Variants in ZNF679 observed in about 807,000 individuals in gnomAD.
ZNF679 encodes zinc finger protein 679, also known as hypothetical protein MGC42415.
In ZNF679, 10 loss-of-function variants were observed where a neutral mutation model predicts 13.4. The observed-to-expected ratio is 0.75, with a 90% confidence interval of 0.46 to 1.27. The LOEUF (loss-of-function observed/expected upper bound fraction) is 1.27. Among genes scored for constraint, ZNF679 ranks in the 50% most tolerant of loss-of-function variants. The pLI, the probability that ZNF679 is intolerant of heterozygous loss-of-function variation, is 0.00. For missense variants in ZNF679, 525 were observed against 477.8 expected (o/e 1.10, Z -0.92); for synonymous variants, 179 against 162.5 (o/e 1.10, Z -0.77).
intron 1 of ZNF679, among the ~76,000 whole-genome samples, chr7:64,229,800 A>T (rs1787611524): frequency 6.6e-6 from 1 of 152,108 alleles, no homozygotes; most frequent in South Asian, 2.1e-4. Flanking sequence ...ATATGTAACA[A>T]TTTCACTTCA....
intron 1 of ZNF679, among the ~76,000 whole-genome samples, chr7:64,244,184 A>T (rs1167406718): frequency 1.3e-5 from 2 of 152,134 alleles, no homozygotes; most frequent in Non-Finnish European, 2.9e-5. Flanking sequence ...CGGTAGGTGG[A>T]GGTTGCAGTG....
At chr7:64,243,956 T>A (rs1396492721) in intron 1 of ZNF679, among the ~76,000 whole-genome samples, 1 of 152,044 alleles carries the variant, frequency 6.6e-6, no homozygotes, top group African/African-American at 2.4e-5. Context: ...TGCAATTAAT[T>A]AAGTTGACTT....
intron 1 of ZNF679, among the ~76,000 whole-genome samples, chr7:64,230,089 CA>C (rs550393594): frequency 1.8e-4 from 28 of 152,174 alleles, no homozygotes; most frequent in Non-Finnish European, 3.7e-4. Flanking sequence ...TTACTGGAAG[CA>C]GGACCCAGGC....
intron 1 of ZNF679, among the ~76,000 whole-genome samples, chr7:64,232,892 C>T (rs1013772408): frequency 6.6e-6 from 1 of 152,144 alleles, no homozygotes; most frequent in Non-Finnish European, 1.5e-5. Flanking sequence ...AGTCACATTC[C>T]TAAATGTTTA....
At chr7:64,229,952 G>A (rs1305587818) in intron 1 of ZNF679, among the ~76,000 whole-genome samples, 8 of 152,294 alleles carry the variant, frequency 5.3e-5, no homozygotes, top group East Asian at 1.9e-4. Flanking sequence ...CACATGCTGC[G>A]AACATAAGAG....
Position 64,260,323 on chromosome 7 carries a change from A to G in ZNF679, c.142A>G (p.Asn48Asp). The G allele has an allele frequency of 6.2e-7, 1 of 1,610,808 alleles. No individual in the cohort carries two copies. Among genetic ancestry groups the G allele is most frequent in the Non-Finnish European group, 8.5e-7 (1 of 1,179,080 alleles). The part of the protein sequence containing the change: ...QNLYRDVMLE[N>D]YRNLVSLGIA... ...TTTATATAGAGATGTGATGTTAGAGAACTACAGAAACCTGGTCTCCCTGGG... is the reference window on the plus strand; with the variant it reads ...TTTATATAGAGATGTGATGTTAGAGGACTACAGAAACCTGGTCTCCCTGGG... Residue 48 changes from asparagine to aspartate, a missense_variant, in exon 3 of 5, where the codon AAC becomes GAC. Asn to Asp is a conservative substitution (Grantham distance 23, BLOSUM62 1). Coordinates refer to ENST00000421025, the MANE Select transcript of ZNF679 (RefSeq NM_153363.3).
intron 1 of ZNF679, among the ~76,000 whole-genome samples, chr7:64,239,795 G>A (rs1365318225): frequency 1.3e-5 from 2 of 152,122 alleles, no homozygotes; most frequent in Admixed American, 1.3e-4. Flanking sequence ...TGCCTAGGAC[G>A]TGTGCACAGG....
In ZNF679 at chr7:64,232,598, G is replaced by C. The variant is rs537240908; in HGVS notation, c.-91+3946G>C. Among the ~76,000 whole-genome samples, 4 of 152,298 alleles carry C rather than the reference G, an allele frequency of 2.6e-5. No individual in the cohort carries two copies. The South Asian group carries it at 8.3e-4, about 32-fold the overall frequency. ...TAAGCAGAATGCAGGCAGGCATGTG[G>C]GTGCTTGGCCCCGTGATATGGTTTA... On this transcript the variant is annotated intron_variant, in intron 1 of 4. Transcript: ENST00000421025.
intron 4 of ZNF679, among the ~76,000 whole-genome samples, chr7:64,265,404 C>G (rs913610461): frequency 2.6e-5 from 4 of 152,166 alleles, no homozygotes; most frequent in African/African-American, 9.7e-5. Flanking sequence ...TACAGTCTTT[C>G]TGCTGTTGTA....
At position 64,266,727 on chromosome 7, in the gene ZNF679, C is replaced by T; in HGVS notation, c.1094C>T (p.Ser365Leu). The T allele has an allele frequency of 6.2e-7, 1 of 1,612,016 alleles. No homozygotes were observed. The highest frequency in any genetic ancestry group is 2.2e-5 in the East Asian group (1 of 44,634). The change falls in exon 5 of 5, where the codon TCA (serine) becomes TTA (leucine). Residue 365 changes from serine to leucine, a missense_variant. Physicochemically the swap from Ser to Leu is moderately radical, Grantham distance 145. Transcript: ENST00000421025. The stretch of plus-strand genomic sequence containing the variant: ...TGTGGGAAAGCCTTTGCCTTCTCCT[C>T]AACTCTTAATACTCATAAGAGGATT... ...KECGKAFAFS[S>L]TLNTHKRIHT...
chr7:64,236,091 C>T (rs868445777), intron 1 of ZNF679, among the ~76,000 whole-genome samples: 32 of 151,868 alleles, frequency 2.1e-4, no homozygotes, highest in African/African-American at 7.5e-4. Context: ...ATGGTGAAAC[C>T]CTGTCTCTAC....
chr7:64,260,986 G>A, intron 4 of ZNF679, 57 bp downstream of exon 4: 1 of 1,515,370 alleles, frequency 6.6e-7, no homozygotes, highest in Non-Finnish European at 9.0e-7. Flanking sequence ...AGTCAAGGAG[G>A]AAGCCAGTCC....
At chr7:64,265,294 T>G (rs1465863485) in intron 4 of ZNF679, among the ~76,000 whole-genome samples, 1 of 152,192 alleles carries the variant, frequency 6.6e-6, no homozygotes, top group African/African-American at 2.4e-5. Context: ...AGGATGTGTC[T>G]TGTCTGCAAT....
chr7:64,247,841 G>A (rs547498732), intron 1 of ZNF679, among the ~76,000 whole-genome samples: 1 of 150,722 alleles, frequency 6.6e-6, no homozygotes, highest in South Asian at 2.1e-4. Flanking sequence ...GTGAGCCTCT[G>A]CGCCTGGCCC....
At chr7:64,240,059 C>A (rs765111878) in intron 1 of ZNF679, among the ~76,000 whole-genome samples, 9 of 152,134 alleles carry the variant, frequency 5.9e-5, no homozygotes, top group Non-Finnish European at 8.8e-5. Flanking sequence ...GAACCAGCTC[C>A]CTGGTCATGG....
chr7:64,236,936 AG>A (rs1787725976), intron 1 of ZNF679, among the ~76,000 whole-genome samples: 1 of 44,426 alleles, frequency 2.3e-5, no homozygotes, highest in African/African-American at 1.3e-4. Flanking sequence ...AAAGAAAGAA[AG>A]AAAGAAAGAA....
intron 1 of ZNF679, among the ~76,000 whole-genome samples, chr7:64,234,106 A>G (rs1167134917): frequency 5.3e-5 from 8 of 152,130 alleles, no homozygotes; most frequent in Admixed American, 3.9e-4. Flanking sequence ...GGGCTGTTCC[A>G]GATCCGGGCT....
intron 3 of ZNF679, 147 bp from the exon 4 acceptor site, chr7:64,260,687 A>G: frequency 2.0e-6 from 2 of 1,013,512 alleles, no homozygotes; most frequent in African/African-American, 1.7e-5. Context: ...AATTTAAAAT[A>G]TTTTCTAAAT....
chr7:64,243,245 G>T (rs1562842181), intron 1 of ZNF679, among the ~76,000 whole-genome samples: 1 of 152,144 alleles, frequency 6.6e-6, no homozygotes, highest in Admixed American at 6.6e-5. Flanking sequence ...TTGCATACGC[G>T]AGTCTTCATT....
Sources: allele counts gnomAD v4.1 joint callset (sites outside exome capture counted in the v4.1 genomes callset), GRCh38; gene constraint gnomAD v4.1.1; transcripts MANE v1.5; gene names NCBI Gene and HGNC (gene_info 2026-07-23, HGNC 2026-07-21).